TSPAN5: variants seen among roughly 807,000 people sequenced by gnomAD.
The protein encoded by TSPAN5 is tetraspanin-5.
In TSPAN5, 10 loss-of-function variants were observed where a neutral mutation model predicts 37.1. The observed-to-expected ratio is 0.27, with a 90% confidence interval of 0.17 to 0.46. The LOEUF is 0.46. Ranked by LOEUF, TSPAN5 falls within the 20% of genes least tolerant of loss-of-function variation. The pLI, the probability that TSPAN5 is intolerant of heterozygous loss-of-function variation, is 1.00. For missense variants in TSPAN5, 195 were observed against 326.6 expected (o/e 0.60, Z 3.11); for synonymous variants, 110 against 118.9 (o/e 0.93, Z 0.48).
intron 1 of TSPAN5, among the ~76,000 whole-genome samples, chr4:98,579,549 AT>A (rs1309334718): frequency 3.9e-5 from 6 of 152,298 alleles, no homozygotes; most frequent in African/African-American, 1.4e-4. Context: ...AAGTTTGACT[AT>A]TTTTTAACCA....
intron 1 of TSPAN5, among the ~76,000 whole-genome samples, chr4:98,530,385 TATCCCC>T (rs995243680): frequency 3.3e-5 from 5 of 152,220 alleles, no homozygotes; most frequent in African/African-American, 7.2e-5. Context: ...GAGACAATGA[TATCCCC>T]ATCATACAAA....
chr4:98,533,068 A>C (rs1438394117), intron 1 of TSPAN5, among the ~76,000 whole-genome samples: 1 of 152,144 alleles, frequency 6.6e-6, no homozygotes, highest in Non-Finnish European at 1.5e-5. Flanking sequence ...AAGCTTTTTC[A>C]TGTGCTGCTG....
intron 1 of TSPAN5, among the ~76,000 whole-genome samples, chr4:98,529,730 A>C (rs908303447): frequency 1.8e-4 from 27 of 152,236 alleles, no homozygotes; most frequent in African/African-American, 6.5e-4. Flanking sequence ...ACTGCGTCTC[A>C]GAACTTGGGG....
At chr4:98,603,167 A>G (rs1755924193) in intron 1 of TSPAN5, among the ~76,000 whole-genome samples, 1 of 152,214 alleles carries the variant, frequency 6.6e-6, no homozygotes, top group Non-Finnish European at 1.5e-5. Flanking sequence ...GGTGGCAAGG[A>G]GATGTCATTT....
At chr4:98,618,677 C>T (rs187164504) in intron 1 of TSPAN5, among the ~76,000 whole-genome samples, 72 of 152,280 alleles carry the variant, frequency 4.7e-4, no homozygotes, top group African/African-American at 1.7e-3. Context: ...GTCCACGGGA[C>T]TCTAAAGCCA....
chr4:98,475,283 T>G (rs1269964180), intron 7 of TSPAN5, among the ~76,000 whole-genome samples: 1 of 152,214 alleles, frequency 6.6e-6, no homozygotes, highest in African/African-American at 2.4e-5. Flanking sequence ...ATATGAAGTT[T>G]TGCAATTGTG....
At chr4:98,475,271 T>C (rs1752667436) in intron 7 of TSPAN5, among the ~76,000 whole-genome samples, 1 of 152,244 alleles carries the variant, frequency 6.6e-6, no homozygotes. Flanking sequence ...GTTACCTTAA[T>C]AATATGAAGT....
intron 2 of TSPAN5, among the ~76,000 whole-genome samples, chr4:98,497,750 A>T (rs1164420425): frequency 6.6e-6 from 1 of 152,142 alleles, no homozygotes; most frequent in Non-Finnish European, 1.5e-5. Flanking sequence ...CACCCTCAGG[A>T]GCTGAGTCTA....
intron 1 of TSPAN5, among the ~76,000 whole-genome samples, chr4:98,541,712 G>C (rs1265530406): frequency 2.0e-5 from 3 of 148,368 alleles, no homozygotes; most frequent in Non-Finnish European, 4.5e-5. Flanking sequence ...GAGAGAGAGA[G>C]AAGGAAAATG....
At chr4:98,639,686 CG>C (rs1756924258) in intron 1 of TSPAN5, among the ~76,000 whole-genome samples, 1 of 152,168 alleles carries the variant, frequency 6.6e-6, no homozygotes. Flanking sequence ...GCATATCCTT[CG>C]CTCAATATGG....
At chr4:98,624,925 G>C (rs1490583085) in intron 1 of TSPAN5, among the ~76,000 whole-genome samples, 1 of 152,164 alleles carries the variant, frequency 6.6e-6, no homozygotes, top group African/African-American at 2.4e-5. Context: ...CTCCTATACA[G>C]AGAGGCATTA....
chr4:98,559,765 T>C (rs1754837922), intron 1 of TSPAN5, among the ~76,000 whole-genome samples: 2 of 152,348 alleles, frequency 1.3e-5, no homozygotes, highest in South Asian at 2.1e-4. Flanking sequence ...GGTGCTCCTC[T>C]AAATTAAAGC....
intron 4 of TSPAN5, among the ~76,000 whole-genome samples, chr4:98,479,606 A>C (rs1301675579): frequency 6.6e-6 from 1 of 152,214 alleles, no homozygotes; most frequent in East Asian, 1.9e-4. Context: ...TGTATAAGAC[A>C]GGGCTATAAA....
intron 1 of TSPAN5, among the ~76,000 whole-genome samples, chr4:98,523,818 T>C (rs1254778384): frequency 6.6e-6 from 1 of 152,196 alleles, no homozygotes; most frequent in Non-Finnish European, 1.5e-5. Context: ...AAATTATAAA[T>C]AGTGACACAG....
At chr4:98,540,364 T>A (rs1016157148) in intron 1 of TSPAN5, among the ~76,000 whole-genome samples, 7 of 151,054 alleles carry the variant, frequency 4.6e-5, no homozygotes, top group Non-Finnish European at 1.0e-4. Context: ...TGAGATGGAG[T>A]CTCACTGTTG....
intron 1 of TSPAN5, among the ~76,000 whole-genome samples, chr4:98,552,748 T>C (rs1211854429): frequency 2.0e-5 from 3 of 152,196 alleles, no homozygotes; most frequent in Non-Finnish European, 4.4e-5. Context: ...AGTAGCTACC[T>C]TGAAACCACA....
At chr4:98,489,244 A>G (rs1560509714) in intron 2 of TSPAN5, among the ~76,000 whole-genome samples, 1 of 152,190 alleles carries the variant, frequency 6.6e-6, no homozygotes, top group Non-Finnish European at 1.5e-5. Context: ...AAGAATTCCT[A>G]AGCCTAGCTG....
intron 1 of TSPAN5, among the ~76,000 whole-genome samples, chr4:98,648,572 T>G (rs1044540779): frequency 6.6e-6 from 1 of 152,224 alleles, no homozygotes; most frequent in Non-Finnish European, 1.5e-5. Context: ...TCAAGAGATT[T>G]TTCTCATTTT....
chr4:98,655,614 T>C (rs1757280098), intron 1 of TSPAN5, among the ~76,000 whole-genome samples: 1 of 152,246 alleles, frequency 6.6e-6, no homozygotes, highest in Non-Finnish European at 1.5e-5. Flanking sequence ...TAGGAAACCA[T>C]GCTGTTGGCA....
Sources: allele counts gnomAD v4.1 joint callset (sites outside exome capture counted in the v4.1 genomes callset), GRCh38; gene constraint gnomAD v4.1.1; transcripts MANE v1.5; gene names NCBI Gene and HGNC (gene_info 2026-07-23, HGNC 2026-07-21).